Variants in FAT4 observed in about 807,000 individuals in gnomAD.
The protein encoded by FAT4 is protocadherin Fat 4.
A neutral mutation model predicts 303.9 loss-of-function variants in FAT4; 84 were observed. The ratio of observed to expected loss-of-function variants is 0.28; its 90% CI spans 0.23 to 0.33. The LOEUF (loss-of-function observed/expected upper bound fraction) is 0.33. Ranked by LOEUF, FAT4 falls within the 10% of genes least tolerant of loss-of-function variation. The pLI, the probability that FAT4 is intolerant of heterozygous loss-of-function variation, is 1.00. For missense variants in FAT4, 6,005 were observed against 6,146.8 expected (o/e 0.98, Z 0.77); for synonymous variants, 2,307 against 2,298.8 (o/e 1.00, Z -0.10).
At chr4:125,357,239 A>C (rs576431686) in intron 2 of FAT4, among the ~76,000 whole-genome samples, 1 of 152,238 alleles carries the variant, frequency 6.6e-6, no homozygotes, top group African/African-American at 2.4e-5. Flanking sequence ...TAATAGAGTA[A>C]AATGATAAAT....
chr4:125,443,599 G>A (rs539686104), intron 8 of FAT4, among the ~76,000 whole-genome samples: 2 of 152,206 alleles, frequency 1.3e-5, no homozygotes, highest in South Asian at 4.1e-4. Flanking sequence ...TAAACTATAA[G>A]GATAGTTTTG....
In FAT4 at chr4:125,452,304, T is replaced by C. The variant is rs757466598; in HGVS notation, c.11294T>C (p.Leu3765Ser). 3.7e-6 allele frequency: 6 copies of C among 1,614,232 alleles called. No homozygotes were observed. The highest frequency in any genetic ancestry group is 5.1e-6 in the Non-Finnish European group (6 of 1,180,042). ...AYEENNRTFL[L>S]AAVKRNHNQY... The stretch of plus-strand genomic sequence containing the variant: ...GAAGAGAACAATAGAACGTTTCTTT[T>C]GGCAGCTGTGAAGCGAAATCATAAT... The change falls in exon 10 of 18, where the codon TTG becomes TCG. Residue 3765 changes from leucine to serine, a missense_variant. By Grantham distance (145) the Leu-to-Ser change is moderately radical (BLOSUM62 -2). Transcript: ENST00000394329.
At position 125,491,128 on chromosome 4, in the gene FAT4, G is replaced by T; in HGVS notation, c.14312G>T (p.Arg4771Leu). ...MASHGSRPGS[R>L]LKQPIGQIPL... ...TCACATGGTTCTAGACCAGGGAGTCGCCTAAAGCAGCCGATTGGGCAGATT... is the reference window on the plus strand; with the variant it reads ...TCACATGGTTCTAGACCAGGGAGTCTCCTAAAGCAGCCGATTGGGCAGATT... Residue 4771 changes from arginine (R) to leucine (L), a missense_variant, in exon 18 of 18, where the codon CGC (arginine) becomes CTC (leucine). By Grantham distance (102) the Arg-to-Leu change is moderately radical (BLOSUM62 -2). Coordinates refer to ENST00000394329, the MANE Select transcript of FAT4 (RefSeq NM_001291303.3). 6.2e-7 allele frequency: 1 copy of T among 1,614,110 alleles called. No homozygotes were observed. The highest frequency in any genetic ancestry group is 8.5e-7 in the Non-Finnish European group (1 of 1,180,010).
chr4:125,395,461 C>T (rs1214589155), intron 2 of FAT4, among the ~76,000 whole-genome samples: 1 of 152,078 alleles, frequency 6.6e-6, no homozygotes, highest in South Asian at 2.1e-4. Flanking sequence ...AGGTGCACGC[C>T]ACCACGCCCA....
At chr4:125,321,625 T>G (rs1180249782) in intron 2 of FAT4, 39 bp downstream of exon 2, 2 of 1,524,960 alleles carry the variant, frequency 1.3e-6, no homozygotes, top group Non-Finnish European at 8.8e-7. Context: ...GTTGATTTGC[T>G]TTTTAGAAAA....
At chr4:125,385,173 C>T (rs1038685707) in intron 2 of FAT4, among the ~76,000 whole-genome samples, 4 of 151,564 alleles carry the variant, frequency 2.6e-5, no homozygotes, top group Non-Finnish European at 5.9e-5. Context: ...AGGCTCCCGC[C>T]ACCACACCTG....
In FAT4 at chr4:125,320,201, T is replaced by G; in HGVS notation, c.3790T>G (p.Ser1264Ala). The change falls in exon 2 of 18, where the codon TCT (serine) becomes GCT (alanine). Residue 1264 changes from serine to alanine, a missense_variant. Coordinates refer to ENST00000394329, the MANE Select transcript of FAT4 (RefSeq NM_001291303.3). ...AAGACAGTTTGCTATAGACAGTACC[T>G]CTGGTCAGGTAACACTAATTGGCAA... ...EERQFAIDST[S>A]GQVTLIGKLD... The G allele has an allele frequency of 6.2e-7, 1 of 1,613,792 alleles. No homozygotes were observed. Among genetic ancestry groups the G allele is most frequent in the South Asian group, 1.1e-5 (1 of 91,076 alleles).
chr4:125,476,108 G>C, intron 12 of FAT4, 63 bp from the exon 13 acceptor site: 1 of 936,886 alleles, frequency 1.1e-6, no homozygotes. Context: ...GGTAGTGTTG[G>C]CTGGAAAGGC....
intron 7 of FAT4, among the ~76,000 whole-genome samples, chr4:125,424,198 A>G (rs1328014681): frequency 1.3e-5 from 2 of 152,070 alleles, no homozygotes; most frequent in Non-Finnish European, 2.9e-5. Flanking sequence ...TGCCCAGCCA[A>G]ATCTCATCGT....
At chr4:125,352,434 CA>C (rs541696904) in intron 2 of FAT4, among the ~76,000 whole-genome samples, 397 of 151,638 alleles carry the variant, frequency 2.6e-3, no homozygotes, top group Admixed American at 4.3e-3. Context: ...TTATTGTTCT[CA>C]AAAAAATGTT....
intron 7 of FAT4, among the ~76,000 whole-genome samples, chr4:125,431,305 TA>T (rs1159943154): frequency 6.6e-6 from 1 of 152,172 alleles, no homozygotes; most frequent in Non-Finnish European, 1.5e-5. Flanking sequence ...ATACCACATT[TA>T]AAAATGTCCA....
chr4:125,379,917 G>T (rs1253752308), intron 2 of FAT4, among the ~76,000 whole-genome samples: 1 of 151,896 alleles, frequency 6.6e-6, no homozygotes, highest in Non-Finnish European at 1.5e-5. Flanking sequence ...TTTTGAGATG[G>T]AGTTTTGCTC....
chr4:125,391,867 A>G (rs1386463522), intron 2 of FAT4, among the ~76,000 whole-genome samples: 5 of 152,182 alleles, frequency 3.3e-5, no homozygotes, highest in African/African-American at 1.2e-4. Context: ...TGCCTATGTT[A>G]TTATTACATT....
chr4:125,439,626 A>G (rs938333832), intron 8 of FAT4, among the ~76,000 whole-genome samples: 2 of 151,982 alleles, frequency 1.3e-5, no homozygotes, highest in African/African-American at 4.8e-5. Flanking sequence ...GGCGTGAGCC[A>G]CCGCGCCCCG....
At chr4:125,351,928 A>G (rs1185453391) in intron 2 of FAT4, among the ~76,000 whole-genome samples, 1 of 151,734 alleles carries the variant, frequency 6.6e-6, no homozygotes, top group Admixed American at 6.6e-5. Context: ...CCAAGTAGGC[A>G]CAGGATTTAA....
At chr4:125,460,967 T>C (rs78869071) in intron 10 of FAT4, among the ~76,000 whole-genome samples, 15,702 of 152,140 alleles carry the variant, frequency 0.1, 1,057 homozygotes, top group African/African-American at 0.2. Context: ...TAACAATTTC[T>C]ATTTCTATTT....
intron 2 of FAT4, among the ~76,000 whole-genome samples, chr4:125,355,158 G>A (rs950519372): frequency 1.3e-4 from 19 of 151,582 alleles, no homozygotes; most frequent in South Asian, 1.2e-3. Context: ...TATTGACACC[G>A]GATAGAAAAT....
intron 2 of FAT4, among the ~76,000 whole-genome samples, chr4:125,327,631 T>TTA (rs963160119): frequency 6.6e-6 from 1 of 152,324 alleles, no homozygotes; most frequent in Admixed American, 6.5e-5. Context: ...GCTGCATATT[T>TTA]TATATATATC....
chr4:125,441,287 A>G (rs1223604401), intron 8 of FAT4, among the ~76,000 whole-genome samples: 10 of 152,228 alleles, frequency 6.6e-5, no homozygotes, highest in Non-Finnish European at 8.8e-5. Flanking sequence ...AGTATGGCCA[A>G]TGATCCTTCA....
Sources: allele counts gnomAD v4.1 joint callset (sites outside exome capture counted in the v4.1 genomes callset), GRCh38; gene constraint gnomAD v4.1.1; transcripts MANE v1.5; gene names NCBI Gene and HGNC (gene_info 2026-07-23, HGNC 2026-07-21).